NFE2L3: variants seen among roughly 807,000 people sequenced by gnomAD.
The protein encoded by NFE2L3 is nuclear factor erythroid 2-related factor 3.
A neutral mutation model predicts 23.5 loss-of-function variants in NFE2L3; 18 were observed. The observed-to-expected ratio is 0.77, with a 90% CI of 0.53 to 1.13. The LOEUF (loss-of-function observed/expected upper bound fraction) is 1.13. NFE2L3 is among the 50% of genes most tolerant of loss of function. The pLI, the probability that NFE2L3 is intolerant of heterozygous loss-of-function variation, is 0.00. For synonymous variants in NFE2L3, 424 were observed against 354.5 expected, an observed-to-expected ratio of 1.20 and a Z score of -2.20; for missense variants, 1,152 against 877.2, an observed-to-expected ratio of 1.31 and a Z score of -3.96.
rs1192031869 is a variant in NFE2L3, at chr7:26,186,095, G to A, written c.*312G>A. 2.8e-5 allele frequency: 6 copies of A among 217,988 alleles called. No individual in the cohort carries two copies. The highest frequency in any genetic ancestry group is 1.6e-4 in the South Asian group (1 of 6,426). The allele number at this position is 217,988 out of a possible 1,614,324, so 13.5% of individuals were successfully genotyped here. A position where few individuals can be genotyped will look rare whatever the true frequency, so the allele number is the denominator to read the frequency against. ...ATCTTGGCAGCCATCCTTTTTAAGA[G>A]TAAGTTGGTTACTTCAAAAAGAGCA... is the stretch of plus-strand genomic sequence containing the variant. On this transcript the variant is annotated 3_prime_UTR_variant, in exon 4 of 4. Transcript: ENST00000056233.
rs2074566 is a variant in NFE2L3 at position 26,185,048 on chromosome 7, C to T, written c.1350C>T (p.Cys450=). ...GTGATGAAGGTGCTATAGGTTATTG[C>T]ACTGACCATGAATCTAGTTCCCATC... ...SVCDEGAIGY[C]TDHESSSHHD... The change falls in exon 4 of 4, where the codon TGC becomes TGT. Residue 450 remains cysteine (C), a synonymous_variant. Transcript: ENST00000056233. 228,654 of 1,613,082 alleles carry T rather than the reference C, an allele frequency of 0.14. 27,117 individuals carry two copies. The highest frequency in any genetic ancestry group is 0.52 in the East Asian group (23,387 of 44,866).
intron 1 of NFE2L3, 44 bp downstream of exon 1, chr7:26,153,112 G>T (rs1784025661): frequency 2.7e-6 from 4 of 1,487,686 alleles, no homozygotes; most frequent in African/African-American, 1.4e-5. Flanking sequence ...CGTCTACGCC[G>T]CCGGGAGCCC....
intron 1 of NFE2L3, among the ~76,000 whole-genome samples, chr7:26,162,863 C>T (rs1214749759): frequency 1.3e-5 from 2 of 151,998 alleles, no homozygotes; most frequent in East Asian, 3.9e-4. Flanking sequence ...CAGGTGCGCA[C>T]CACCACGCCT....
In NFE2L3 at chr7:26,184,862, A is replaced by G. The variant is rs1259380098; in HGVS notation, c.1164A>G (p.Ile388Met). The G allele has an allele frequency of 6.2e-7, 1 of 1,613,962 alleles. No homozygotes were observed. The highest frequency in any genetic ancestry group is 1.3e-5 in the African/African-American group (1 of 75,054). Residue 388 changes from isoleucine to methionine, a missense_variant, in exon 4 of 4, where the codon ATA becomes ATG. Transcript: ENST00000056233. ...TACTGTATGACCTTGACATAAATAT[A>G]TTTGATGAGATAAACTTAATGTCAT... ...QDLLYDLDIN[I>M]FDEINLMSLA... is the part of the protein sequence containing the mutation.
intron 1 of NFE2L3, among the ~76,000 whole-genome samples, chr7:26,175,160 C>A (rs1784380160): frequency 1.5e-5 from 2 of 133,504 alleles, no homozygotes; most frequent in African/African-American, 5.8e-5. Flanking sequence ...TCCTGGCTAA[C>A]ATGGTGAAAC....
chr7:26,156,514 A>G (rs1784084347), intron 1 of NFE2L3, among the ~76,000 whole-genome samples: 1 of 152,108 alleles, frequency 6.6e-6, no homozygotes, highest in Non-Finnish European at 1.5e-5. Flanking sequence ...TGATCTGAAA[A>G]CTGACTCTGG....
chr7:26,155,633 G>A (rs1301970296), intron 1 of NFE2L3, among the ~76,000 whole-genome samples: 1 of 152,122 alleles, frequency 6.6e-6, no homozygotes, highest in Non-Finnish European at 1.5e-5. Flanking sequence ...ATCTGGGATG[G>A]GGTGACTCAG....
chr7:26,178,544 G>A (rs946001686), intron 2 of NFE2L3, among the ~76,000 whole-genome samples: 1 of 152,160 alleles, frequency 6.6e-6, no homozygotes, highest in African/African-American at 2.4e-5. Flanking sequence ...CTAAGGCTTG[G>A]GCTGAAATCT....
Position 26,184,911 on chromosome 7 carries a change from C to G in NFE2L3, c.1213C>G (p.Pro405Ala). The change falls in exon 4 of 4, where the codon CCA (proline) becomes GCA (alanine). Residue 405 changes from proline to alanine, a missense_variant. Physicochemically the swap from Pro to Ala is conservative, Grantham distance 27. Transcript: ENST00000056233. ...MSLATEDNFD[P>A]IDVSQLFDEP... ...ATTGGCCACAGAAGACAACTTTGAT[C>G]CAATCGATGTTTCTCAGCTTTTTGA... 3 of 1,613,932 alleles carry G rather than the reference C, an allele frequency of 1.9e-6. No individual in the cohort carries two copies. Among genetic ancestry groups the G allele is most frequent in the Non-Finnish European group, 8.5e-7 (1 of 1,179,848 alleles).
At chr7:26,168,831 C>G (rs1320782926) in intron 1 of NFE2L3, among the ~76,000 whole-genome samples, 2 of 152,092 alleles carry the variant, frequency 1.3e-5, no homozygotes, top group Non-Finnish European at 2.9e-5. Flanking sequence ...TTCCCACCAG[C>G]AGGGGAGAAG....
chr7:26,170,116 GATAAATT>G (rs1177361280), intron 1 of NFE2L3, among the ~76,000 whole-genome samples: 1 of 152,168 alleles, frequency 6.6e-6, no homozygotes, highest in East Asian at 1.9e-4. Flanking sequence ...TGGGTTTGGT[GATAAATT>G]ATACGGTCAC....
At position 26,184,659 on chromosome 7, in the gene NFE2L3, C is replaced by T. The variant is rs372693510; in HGVS notation, c.961C>T (p.Leu321Phe). 1.2e-6 allele frequency: 2 copies of T among 1,613,950 alleles called. No individual in the cohort carries two copies. The highest frequency in any genetic ancestry group is 1.7e-6 in the Non-Finnish European group (2 of 1,179,846). ...QDVNLHEAILLCPNNTFRRDP... is the reference protein window; with the variant it reads ...QDVNLHEAILFCPNNTFRRDP... ...TGTGAATCTTCATGAGGCCATCTTG[C>T]TTTGTCCCAACAATACATTTAGAAG... is the stretch of plus-strand genomic sequence containing the variant. The change falls in exon 4 of 4, where the codon CTT becomes TTT. Residue 321 changes from leucine to phenylalanine, a missense_variant. Transcript: ENST00000056233.
At chr7:26,156,059 G>C (rs1456368743) in intron 1 of NFE2L3, among the ~76,000 whole-genome samples, 2 of 152,176 alleles carry the variant, frequency 1.3e-5, no homozygotes, top group African/African-American at 4.8e-5. Flanking sequence ...AAGAAGTGGG[G>C]TATGCTAGAC....
intron 1 of NFE2L3, among the ~76,000 whole-genome samples, chr7:26,170,024 G>A (rs1784312922): frequency 6.6e-6 from 1 of 152,130 alleles, no homozygotes; most frequent in Non-Finnish European, 1.5e-5. Context: ...CCTCAGGTGG[G>A]TCACCATATG....
intron 2 of NFE2L3, among the ~76,000 whole-genome samples, chr7:26,183,295 C>T (rs919533342): frequency 1.3e-5 from 2 of 152,132 alleles, no homozygotes; most frequent in African/African-American, 4.8e-5. Context: ...CGTCTGTAAT[C>T]CCAGCACTTT....
intron 1 of NFE2L3, among the ~76,000 whole-genome samples, 173 bp from the exon 2 acceptor site, chr7:26,177,770 A>G (rs999806032): frequency 6.6e-6 from 1 of 152,264 alleles, no homozygotes; most frequent in Non-Finnish European, 1.5e-5. Flanking sequence ...AGCCTGTCTC[A>G]GGACAGGATG....
intron 2 of NFE2L3, among the ~76,000 whole-genome samples, chr7:26,181,769 G>A (rs1784515943): frequency 6.6e-6 from 1 of 151,916 alleles, no homozygotes; most frequent in South Asian, 2.1e-4. Context: ...GGCAAGAACA[G>A]ACTATCATGA....
At chr7:26,176,924 G>A (rs200502478) in intron 1 of NFE2L3, among the ~76,000 whole-genome samples, 1 of 119,438 alleles carries the variant, frequency 8.4e-6, no homozygotes, top group African/African-American at 3.1e-5. Flanking sequence ...CCCAGACGAT[G>A]GGCGGCCAGG....
intron 1 of NFE2L3, chr7:26,174,325 G>A (rs1244676179): frequency 6.6e-6 from 1 of 152,148 alleles, no homozygotes; most frequent in Admixed American, 6.6e-5. Context: ...TTGCTGTCAA[G>A]GGGAGCAAAA....
Sources: allele counts gnomAD v4.1 joint callset (sites outside exome capture counted in the v4.1 genomes callset), GRCh38; gene constraint gnomAD v4.1.1; transcripts MANE v1.5; gene names NCBI Gene and HGNC (gene_info 2026-07-23, HGNC 2026-07-21).